The following SORCS3 variants were observed in gnomAD, a reference collection of about 807,000 sequenced individuals.
The protein encoded by SORCS3 is VPS10 domain-containing receptor SorCS3.
Under a neutral mutation model 146.3 loss-of-function variants are expected in SORCS3, and 57 were observed. The observed-to-expected ratio is 0.39, with a 90% CI of 0.31 to 0.49. SORCS3 has a LOEUF of 0.49. Ranked by LOEUF, SORCS3 falls within the 20% of genes least tolerant of loss-of-function variation. SORCS3 has a pLI of 0.92. For synonymous variants in SORCS3, 653 were observed against 618.5 expected (o/e 1.06, Z -0.83); for missense variants, 1,341 against 1,575.5 (o/e 0.85, Z 2.52).
intron 20 of SORCS3, among the ~76,000 whole-genome samples, chr10:105,242,440 TTATA>T (rs1280340020): frequency 1.6e-5 from 1 of 63,140 alleles, no homozygotes. Flanking sequence ...ATACATATAT[TTATA>T]TATATTTATA....
chr10:104,794,627 GAGAGAGA>G (rs1564685531), intron 1 of SORCS3, among the ~76,000 whole-genome samples: 31 of 142,420 alleles, frequency 2.2e-4, no homozygotes, highest in South Asian at 6.9e-4. Flanking sequence ...GGGAGGGAGA[GAGAGAGA>G]GAGAGAGAGA....
At chr10:105,117,255 A>G (rs894721167) in intron 7 of SORCS3, among the ~76,000 whole-genome samples, 2 of 152,106 alleles carry the variant, frequency 1.3e-5, no homozygotes, top group East Asian at 3.9e-4. Flanking sequence ...TCCCCAGATC[A>G]TTCCTCAACA....
At chr10:105,255,228 CA>C in intron 23 of SORCS3, among the ~76,000 whole-genome samples, 1 of 143,234 alleles carries the variant, frequency 7.0e-6, no homozygotes, top group East Asian at 2.1e-4. Flanking sequence ...CTGCTTAATT[CA>C]AAACTGTCCG....
chr10:104,907,921 A>G (rs2133594584), intron 2 of SORCS3, among the ~76,000 whole-genome samples: 1 of 152,378 alleles, frequency 6.6e-6, no homozygotes, highest in East Asian at 1.9e-4. Context: ...GGCTTCTGCC[A>G]TTGCAAAGAT....
chr10:105,015,888 C>A (rs745952512), intron 4 of SORCS3, among the ~76,000 whole-genome samples: 2 of 151,402 alleles, frequency 1.3e-5, no homozygotes, highest in Admixed American at 6.6e-5. Context: ...CACCACCATG[C>A]CTGGCTAATT....
chr10:104,672,276 T>C (rs572212632), intron 1 of SORCS3, among the ~76,000 whole-genome samples: 17 of 152,276 alleles, frequency 1.1e-4, no homozygotes, highest in African/African-American at 4.1e-4. Flanking sequence ...ATAGTACTCA[T>C]TTATAGTCCT....
chr10:104,671,703 T>C (rs1159873921), intron 1 of SORCS3, among the ~76,000 whole-genome samples: 2 of 152,180 alleles, frequency 1.3e-5, no homozygotes, highest in Non-Finnish European at 1.5e-5. Flanking sequence ...GTGGATTTTG[T>C]CAAATGCTTT....
intron 1 of SORCS3, among the ~76,000 whole-genome samples, chr10:104,713,144 T>A (rs1446915488): frequency 6.6e-6 from 1 of 152,016 alleles, no homozygotes; most frequent in African/African-American, 2.4e-5. Context: ...TGTGTGTGTG[T>A]GTGTGTAGTG....
chr10:104,808,650 C>A (rs2017707668), intron 1 of SORCS3, among the ~76,000 whole-genome samples: 1 of 152,154 alleles, frequency 6.6e-6, no homozygotes, highest in Non-Finnish European at 1.5e-5. Flanking sequence ...TGGTGGAAAC[C>A]ATCAGTAGAT....
intron 4 of SORCS3, among the ~76,000 whole-genome samples, chr10:105,025,535 G>A (rs756300069): frequency 6.6e-5 from 10 of 152,086 alleles, no homozygotes; most frequent in South Asian, 4.1e-4. Flanking sequence ...ACTTTCTCGT[G>A]TCTTTCTTCA....
At chr10:104,765,217 T>C (rs544091080) in intron 1 of SORCS3, among the ~76,000 whole-genome samples, 97 of 152,336 alleles carry the variant, frequency 6.4e-4, no homozygotes, top group African/African-American at 2.3e-3. Flanking sequence ...TTCTCTCTCC[T>C]TGAGTGTGAT....
chr10:105,232,264 T>G (rs1490979848), intron 20 of SORCS3, among the ~76,000 whole-genome samples: 2 of 152,132 alleles, frequency 1.3e-5, no homozygotes, highest in Non-Finnish European at 2.9e-5. Context: ...TGTGTGAGTT[T>G]TAACAGATTG....
At chr10:105,006,553 C>G (rs1275008961) in intron 4 of SORCS3, among the ~76,000 whole-genome samples, 1 of 152,172 alleles carries the variant, frequency 6.6e-6, no homozygotes, top group Non-Finnish European at 1.5e-5. Flanking sequence ...TCCAGTGGCT[C>G]TCATCTCACT....
chr10:105,028,885 C>G (rs543017671), intron 4 of SORCS3, among the ~76,000 whole-genome samples: 1 of 152,310 alleles, frequency 6.6e-6, no homozygotes, highest in South Asian at 2.1e-4. Flanking sequence ...AACAAGTTCT[C>G]AAGATCGGTA....
At chr10:104,737,149 G>A (rs2016783977) in intron 1 of SORCS3, among the ~76,000 whole-genome samples, 1 of 152,134 alleles carries the variant, frequency 6.6e-6, no homozygotes, top group African/African-American at 2.4e-5. Flanking sequence ...TGGTGTATAT[G>A]TGCCACATTT....
chr10:104,770,973 C>T (rs2017242669), intron 1 of SORCS3, among the ~76,000 whole-genome samples: 1 of 152,054 alleles, frequency 6.6e-6, no homozygotes, highest in Non-Finnish European at 1.5e-5. Context: ...CCCACTATGC[C>T]TTCTAAACTG....
At chr10:104,923,967 G>A (rs187776064) in intron 3 of SORCS3, among the ~76,000 whole-genome samples, 49 of 152,264 alleles carry the variant, frequency 3.2e-4, no homozygotes, top group African/African-American at 1.2e-3. Flanking sequence ...TGCTTCCAAT[G>A]AATTAACTCA....
intron 2 of SORCS3, among the ~76,000 whole-genome samples, chr10:104,895,849 A>T (rs17117885): frequency 0.09 from 13,652 of 152,248 alleles, 787 homozygotes; most frequent in South Asian, 0.27. Context: ...TTTCTCTGTA[A>T]ATTTCCCAAC....
chr10:105,009,274 G>A (rs1405698365), intron 4 of SORCS3, among the ~76,000 whole-genome samples: 1 of 152,124 alleles, frequency 6.6e-6, no homozygotes, highest in Non-Finnish European at 1.5e-5. Context: ...CTGGAAAAGT[G>A]CAGAGCTTAA....
Sources: gnomAD v4.1 joint callset for allele counts (sites outside exome capture counted in the v4.1 genomes callset) on GRCh38, gnomAD v4.1.1 for gene constraint, MANE v1.5 for transcripts, NCBI Gene and HGNC (gene_info 2026-07-23, HGNC 2026-07-21) for gene names.